The following OR7E24 variants were observed in gnomAD, a reference collection of about 807,000 sequenced individuals.
OR7E24 encodes the protein olfactory receptor family 7 subfamily E member 24.
For missense variants in OR7E24, 385 were observed against 410.3 expected (o/e 0.94, Z 0.53); for synonymous variants, 130 against 157.5 (o/e 0.83, Z 1.31).
chr19:9,243,939 T>G (rs2066122768), upstream of OR7E24, among the ~76,000 whole-genome samples: 2 of 152,176 alleles, frequency 1.3e-5, no homozygotes, highest in Admixed American at 1.3e-4. Context: ...GAGTCCCTCC[T>G]TCAGCCCCAG....
the OR7E24 span, among the ~76,000 whole-genome samples, chr19:9,231,768 C>T: frequency 6.6e-6 from 1 of 151,956 alleles, no homozygotes; most frequent in Non-Finnish European, 1.5e-5. Flanking sequence ...AGCCTGTTTG[C>T]TATTAATAGG....
At chr19:9,216,705 C>CCT in the OR7E24 span, among the ~76,000 whole-genome samples, 1 of 151,988 alleles carries the variant, frequency 6.6e-6, no homozygotes, top group Non-Finnish European at 1.5e-5. Flanking sequence ...GATTCTTGTG[C>CCT]CTCAGCCTCC....
At position 9,251,695 on chromosome 19, in the gene OR7E24, T is replaced by A; in HGVS notation, c.652T>A (p.Tyr218Asn). ...SDTFINEMVI[Y>N]FMGAIFGCLP... ...CACCTTCATCAATGAAATGGTCATA[T>A]ATTTCATGGGTGCCATATTTGGCTG... The change falls in exon 1 of 1, where the codon TAT (tyrosine) becomes AAT (asparagine). Residue 218 changes from tyrosine to asparagine, a missense_variant. Tyr to Asn is a moderately radical substitution (Grantham distance 143, BLOSUM62 -2). Transcript: ENST00000456448. 1 of 1,613,724 alleles carries A rather than the reference T, an allele frequency of 6.2e-7. No individual in the cohort carries two copies. The highest frequency in any genetic ancestry group is 1.1e-5 in the South Asian group (1 of 91,058).
the OR7E24 span, chr19:9,209,295 C>A: frequency 6.6e-6 from 1 of 152,168 alleles, no homozygotes. Context: ...CCATGTTCCT[C>A]AGCAGCAAAT....
the OR7E24 span, chr19:9,214,940 C>T: frequency 2.0e-4 from 132 of 658,936 alleles, no homozygotes; most frequent in African/African-American, 2.2e-3. Flanking sequence ...TTTTGATGGA[C>T]ATTTGTCACC....
At chr19:9,224,824 G>A in the OR7E24 span, among the ~76,000 whole-genome samples, 3 of 151,966 alleles carry the variant, frequency 2.0e-5, no homozygotes, top group Non-Finnish European at 4.4e-5. Context: ...GTTCACCAAT[G>A]ACCTTCAACA....
the OR7E24 span, chr19:9,214,319 C>G: frequency 6.2e-7 from 1 of 1,614,116 alleles, no homozygotes; most frequent in Non-Finnish European, 8.5e-7. Context: ...AATGCGGAAT[C>G]TCAGTGCCTG....
the OR7E24 span, chr19:9,235,516 G>A: frequency 6.4e-7 from 1 of 1,565,934 alleles, no homozygotes; most frequent in Admixed American, 1.7e-5. Flanking sequence ...CCGGTTTGTG[G>A]CCATCTGCCA....
chr19:9,235,858 T>A, the OR7E24 span: 1 of 1,610,060 alleles, frequency 6.2e-7, no homozygotes, highest in Admixed American at 1.7e-5. Context: ...CAAAGCCTTT[T>A]CCACCTGTGG....
At chr19:9,215,187 A>G in the OR7E24 span, among the ~76,000 whole-genome samples, 16 of 152,082 alleles carry the variant, frequency 1.1e-4, no homozygotes, top group Admixed American at 2.0e-4. Flanking sequence ...TACTAAAAAT[A>G]CAAAAATCAG....
At chr19:9,219,060 G>A in the OR7E24 span, 2 of 152,152 alleles carry the variant, frequency 1.3e-5, no homozygotes, top group Non-Finnish European at 2.9e-5. Context: ...AGTAAGTGCT[G>A]TAAATAAGTC....
chr19:9,209,689 C>G, the OR7E24 span: 1 of 147,332 alleles, frequency 6.8e-6, no homozygotes, highest in African/African-American at 2.5e-5. Context: ...GAGTCTCGCT[C>G]TGTTGCCCAG....
At chr19:9,245,503 A>G (rs937419259), upstream of OR7E24, among the ~76,000 whole-genome samples, 1 of 152,224 alleles carries the variant, frequency 6.6e-6, no homozygotes, top group African/African-American at 2.4e-5. Flanking sequence ...GGTTCCTCAT[A>G]AAATGAAAAA....
chr19:9,221,340 CTTTTTTTTTTT>C, the OR7E24 span, among the ~76,000 whole-genome samples: 3 of 81,180 alleles, frequency 3.7e-5, no homozygotes, highest in East Asian at 7.6e-4. Context: ...GTCTTTTGCC[CTTTTTTTTTTT>C]TTTTTTTTTT....
upstream of OR7E24, among the ~76,000 whole-genome samples, chr19:9,243,705 C>G (rs1481363723): frequency 6.6e-6 from 1 of 152,208 alleles, no homozygotes; most frequent in African/African-American, 2.4e-5. Context: ...CCTCAAATGG[C>G]TCAAGCTGGT....
chr19:9,207,785 A>G, the OR7E24 span: 1 of 152,028 alleles, frequency 6.6e-6, no homozygotes, highest in Admixed American at 6.6e-5. Flanking sequence ...TCTGTTTTCC[A>G]TCTGGTGTTC....
At position 9,252,006 on chromosome 19, in the gene OR7E24, G is replaced by C; in HGVS notation, c.963G>C (p.Arg321Ser). Residue 321 changes from arginine (R) to serine (S), a missense_variant, in exon 1 of 1, where the codon AGG (arginine) becomes AGC (serine). Coordinates refer to ENST00000456448, the MANE Select transcript of OR7E24 (RefSeq NM_001079935.2). ...RNKDIQSALC[R>S]LHGRIIKSHH... ...AGGACATTCAAAGTGCCCTGTGCAG[G>C]CTGCATGGCAGAATCATCAAATCTC... The C allele has an allele frequency of 6.2e-7, 1 of 1,614,124 alleles. No homozygotes were observed. Among genetic ancestry groups the C allele is most frequent in the Non-Finnish European group, 8.5e-7 (1 of 1,180,028 alleles).
the OR7E24 span, chr19:9,213,985 G>C: frequency 5.0e-6 from 8 of 1,614,130 alleles, no homozygotes; most frequent in Admixed American, 1.0e-4. Flanking sequence ...AAGGGGTTCA[G>C]CATGGGGGTG....
At chr19:9,237,015 C>G in the OR7E24 span, among the ~76,000 whole-genome samples, 1 of 152,186 alleles carries the variant, frequency 6.6e-6, no homozygotes, top group Non-Finnish European at 1.5e-5. Flanking sequence ...CTATATCAGG[C>G]AGTGTGACAC....
Sources: gnomAD v4.1 joint callset for allele counts (sites outside exome capture counted in the v4.1 genomes callset) on GRCh38, gnomAD v4.1.1 for gene constraint, MANE v1.5 for transcripts, NCBI Gene and HGNC (gene_info 2026-07-23, HGNC 2026-07-21) for gene names.